AK9: variants seen among roughly 807,000 people sequenced by gnomAD.
AK9 encodes adenylate kinase domain containing 1.
In AK9, 191 loss-of-function variants were observed where a neutral mutation model predicts 239.6. That is an observed-to-expected ratio of 0.80 (90% CI 0.71 to 0.90). The LOEUF (loss-of-function observed/expected upper bound fraction) is 0.90, where lower values mean the gene tolerates loss of function less well. Among genes scored for constraint, AK9 ranks in the 40% least tolerant of loss-of-function variants. The probability of loss-of-function intolerance (pLI) is 0.00; values close to 1 mark genes in which losing one functional copy is unlikely to be tolerated. For synonymous variants in AK9, 689 were observed against 721.0 expected (o/e 0.96, Z 0.71); for missense variants, 1,995 against 2,214.7 (o/e 0.90, Z 1.99).
chr6:109,594,381 A>G (rs1016875377), intron 17 of AK9, among the ~76,000 whole-genome samples: 1 of 151,952 alleles, frequency 6.6e-6, no homozygotes, highest in African/African-American at 2.4e-5. Context: ...ACAAATGGAA[A>G]AACATTCCAT....
intron 17 of AK9, among the ~76,000 whole-genome samples, chr6:109,596,905 C>T (rs1384568772): frequency 6.6e-6 from 1 of 152,122 alleles, no homozygotes; most frequent in Non-Finnish European, 1.5e-5. Context: ...TTTAGTTCTT[C>T]ATTCAACCTT....
intron 9 of AK9, among the ~76,000 whole-genome samples, chr6:109,643,524 C>T (rs1233831873): frequency 6.6e-5 from 10 of 152,150 alleles, no homozygotes; most frequent in Admixed American, 6.5e-4. Flanking sequence ...ACTAGTTTTC[C>T]TACCACCAAT....
intron 2 of AK9, 149 bp from the exon 3 acceptor site, chr6:109,674,410 C>T (rs766736236): frequency 4.4e-5 from 23 of 523,256 alleles, no homozygotes; most frequent in African/African-American, 7.8e-5. Flanking sequence ...ACCCTAGATA[C>T]GTATAGTTTA....
intron 1 of AK9, among the ~76,000 whole-genome samples, chr6:109,682,053 T>G (rs558348831): frequency 1.2e-4 from 18 of 151,968 alleles, no homozygotes; most frequent in Non-Finnish European, 2.4e-4. Context: ...GTAAACAAAT[T>G]AAAAATCTAC....
At chr6:109,526,816 G>A (rs1780580938) in intron 29 of AK9, among the ~76,000 whole-genome samples, 1 of 152,136 alleles carries the variant, frequency 6.6e-6, no homozygotes, top group Admixed American at 6.6e-5. Context: ...TTTGCTTGCT[G>A]TTTCAACCTG....
At chr6:109,527,237 G>A (rs754810273) in intron 29 of AK9, among the ~76,000 whole-genome samples, 1 of 146,000 alleles carries the variant, frequency 6.8e-6, no homozygotes, top group African/African-American at 2.8e-5. Context: ...GTAATGACTG[G>A]GATATTGAAG....
intron 33 of AK9, 135 bp downstream of exon 33, chr6:109,509,044 G>T (rs1409361164): frequency 1.1e-6 from 1 of 945,334 alleles, no homozygotes. Context: ...CCATATAGGT[G>T]CCCAGAGTTT....
intron 13 of AK9, among the ~76,000 whole-genome samples, chr6:109,618,212 G>C (rs1024791894): frequency 1.3e-5 from 2 of 152,090 alleles, no homozygotes; most frequent in Non-Finnish European, 2.9e-5. Flanking sequence ...TTTGGATTTA[G>C]ATTTTTGAAA....
At chr6:109,532,712 C>G (rs555026087) in intron 28 of AK9, among the ~76,000 whole-genome samples, 1 of 152,096 alleles carries the variant, frequency 6.6e-6, no homozygotes. Context: ...TATGAACATT[C>G]ACATATAACT....
At chr6:109,564,956 C>T (rs10872047) in intron 21 of AK9, 111 bp from the exon 22 acceptor site, 460,394 of 728,830 alleles carry the variant, frequency 0.63, 150,159 homozygotes, top group East Asian at 0.85. Context: ...ATATGAAATG[C>T]CTAATAGAAA....
intron 13 of AK9, among the ~76,000 whole-genome samples, 181 bp downstream of exon 13, chr6:109,618,909 GAA>G (rs1006176868): frequency 1.2e-4 from 19 of 152,120 alleles, no homozygotes; most frequent in African/African-American, 4.6e-4. Context: ...GTCTAGAATT[GAA>G]AGTTTTTTTC....
chr6:109,586,178 TCTTTC>T, intron 17 of AK9, 106 bp from the exon 18 acceptor site: 1 of 998,348 alleles, frequency 1.0e-6, no homozygotes, highest in Non-Finnish European at 1.4e-6. Context: ...TTTGAGTTCT[TCTTTC>T]AAAAGGAAAA....
chr6:109,646,291 T>C (rs188189351), intron 8 of AK9, among the ~76,000 whole-genome samples: 43 of 152,182 alleles, frequency 2.8e-4, no homozygotes, highest in African/African-American at 9.9e-4. Context: ...AATAACAAAC[T>C]TCTCTGAGCT....
chr6:109,509,292 T>C lies in AK9; in HGVS notation c.4368A>G (p.Thr1456=). 1 of 1,551,854 alleles carries C rather than the reference T, an allele frequency of 6.4e-7. No homozygotes were observed. Among genetic ancestry groups the C allele is most frequent in the South Asian group, 1.2e-5 (1 of 84,064 alleles). ...GCCAATTTAACATAAGTGCCAGCTCTGTTTCCGGGTGATTGTTTAGTACAT... is the reference window on the plus strand; with the variant it reads ...GCCAATTTAACATAAGTGCCAGCTCCGTTTCCGGGTGATTGTTTAGTACAT... ...LRYVLNNHPE[T]ELALMLNWHL... The change falls in exon 33 of 41, where the codon ACA becomes ACG. Residue 1456 remains threonine, a synonymous_variant. Transcript: ENST00000424296.
rs950543080 is a variant in AK9, at chr6:109,493,135, C to A, written c.*234G>T. The A allele has an allele frequency of 6.9e-5, 25 of 361,534 alleles. No homozygotes were observed. The highest frequency in any genetic ancestry group is 1.5e-3 in the Middle Eastern group (2 of 1,308). 22.4% of individuals were successfully genotyped at this position (361,534 alleles called of 1,614,324 possible). On this transcript the variant is annotated 3_prime_UTR_variant, in exon 41 of 41. Transcript: ENST00000424296. ...TAGAATGTTTATTTTGTTAAAGCAT[C>A]AAAGTTCAGGCAAAGAGCAATACAT...
intron 1 of AK9, among the ~76,000 whole-genome samples, chr6:109,685,544 G>A (rs914424098): frequency 7.9e-5 from 12 of 151,396 alleles, no homozygotes; most frequent in African/African-American, 2.9e-4. Flanking sequence ...ACACATGGAC[G>A]TAGGGAGGGG....
At chr6:109,629,304 A>C (rs1418985604) in intron 12 of AK9, among the ~76,000 whole-genome samples, 1 of 152,132 alleles carries the variant, frequency 6.6e-6, no homozygotes, top group Non-Finnish European at 1.5e-5. Flanking sequence ...AAATTCTATA[A>C]TGTAACTAAA....
intron 24 of AK9, among the ~76,000 whole-genome samples, chr6:109,562,493 T>C (rs917827158): frequency 3.9e-5 from 6 of 152,222 alleles, no homozygotes; most frequent in Non-Finnish European, 7.3e-5. Context: ...TTTCTCCTCA[T>C]TGTGAGTCAT....
chr6:109,627,589 A>G (rs563594865), intron 12 of AK9, among the ~76,000 whole-genome samples: 3 of 152,228 alleles, frequency 2.0e-5, no homozygotes, highest in African/African-American at 4.8e-5. Context: ...TTTCAGCTCC[A>G]TTATAATCTT....
Sources: allele counts gnomAD v4.1 joint callset (sites outside exome capture counted in the v4.1 genomes callset), GRCh38; gene constraint gnomAD v4.1.1; transcripts MANE v1.5; gene names NCBI Gene and HGNC (gene_info 2026-07-23, HGNC 2026-07-21).